The following FGGY variants were observed in gnomAD, a reference collection of about 807,000 sequenced individuals.
FGGY encodes FGGY carbohydrate kinase domain-containing protein.
FGGY carries 72 observed loss-of-function variants against 71.3 expected under a neutral mutation model. That is an observed-to-expected ratio of 1.01 (90% CI 0.84 to 1.23). The LOEUF (loss-of-function observed/expected upper bound fraction) is 1.23, where lower values mean the gene tolerates loss of function less well. Ranked by LOEUF, FGGY falls within the 50% of genes most tolerant of loss-of-function variation. FGGY has a pLI of 0.00. For synonymous variants in FGGY, 251 were observed against 250.3 expected (o/e 1.00, Z -0.02); for missense variants, 668 against 682.3 (o/e 0.98, Z 0.23).
chr1:59,314,277 T>G (rs897152230), intron 1 of FGGY, among the ~76,000 whole-genome samples: 5 of 152,182 alleles, frequency 3.3e-5, no homozygotes, highest in Non-Finnish European at 7.3e-5. Context: ...ATAAAAAAAT[T>G]TTTTTAAAAG....
intron 14 of FGGY, among the ~76,000 whole-genome samples, chr1:59,752,048 A>T (rs2098249819): frequency 6.6e-6 from 1 of 152,212 alleles, no homozygotes; most frequent in Non-Finnish European, 1.5e-5. Flanking sequence ...CACACATCTT[A>T]TGTGACTCAT....
At chr1:59,372,688 C>G (rs147327548) in intron 4 of FGGY, among the ~76,000 whole-genome samples, 4,484 of 152,072 alleles carry the variant, frequency 0.029, 246 homozygotes, top group African/African-American at 0.1. Context: ...GAATCCAGCA[C>G]CACATCAAAA....
intron 6 of FGGY, among the ~76,000 whole-genome samples, chr1:59,482,560 G>A (rs905182992): frequency 1.6e-4 from 20 of 128,818 alleles, no homozygotes; most frequent in Admixed American, 4.9e-4. Flanking sequence ...GTGTGTCTAT[G>A]TGTATATATA....
intron 14 of FGGY, among the ~76,000 whole-genome samples, chr1:59,757,150 C>A (rs2098298742): frequency 6.6e-6 from 1 of 152,176 alleles, no homozygotes; most frequent in Non-Finnish European, 1.5e-5. Flanking sequence ...TGCTTGCAAT[C>A]TTCCCTGGCC....
chr1:59,586,442 G>T (rs1408944927), intron 8 of FGGY, among the ~76,000 whole-genome samples: 1 of 152,098 alleles, frequency 6.6e-6, no homozygotes, highest in Non-Finnish European at 1.5e-5. Flanking sequence ...TCACTCATAG[G>T]TGGGAATTGA....
chr1:59,740,102 G>C (rs760360775), intron 14 of FGGY, among the ~76,000 whole-genome samples: 14 of 152,192 alleles, frequency 9.2e-5, no homozygotes, highest in Non-Finnish European at 1.9e-4. Context: ...TTCAGGCTAA[G>C]AGGTTGTAAT....
intron 8 of FGGY, among the ~76,000 whole-genome samples, chr1:59,556,398 C>G (rs2095686839): frequency 1.3e-5 from 2 of 152,182 alleles, no homozygotes; most frequent in South Asian, 4.1e-4. Flanking sequence ...TTTCCCTACC[C>G]ATTTAATGTA....
intron 11 of FGGY, among the ~76,000 whole-genome samples, chr1:59,653,504 T>C (rs531271037): frequency 6.6e-6 from 1 of 151,934 alleles, no homozygotes; most frequent in Non-Finnish European, 1.5e-5. Context: ...CGGGTGGGAG[T>C]GACCCGATTT....
chr1:59,425,276 T>A (rs2066148922), intron 5 of FGGY, among the ~76,000 whole-genome samples: 1 of 152,230 alleles, frequency 6.6e-6, no homozygotes, highest in South Asian at 2.1e-4. Flanking sequence ...TGCATGATTA[T>A]TATATTGGCA....
Position 59,412,234 on chromosome 1 carries a change from G to A in FGGY, c.554+33397G>A, listed in dbSNP as rs990936078. 3.3e-5 allele frequency among the ~76,000 whole-genome samples: 5 copies of A among 152,132 alleles called. No individual in the cohort carries two copies. The East Asian group carries it at 7.7e-4, about 24-fold the overall frequency. On this transcript the variant is annotated intron_variant, in intron 5 of 15. Coordinates refer to ENST00000303721, the MANE Select transcript of FGGY (RefSeq NM_018291.5). ...AGGGCACCCCACGAGGTTCCATGGG[G>A]TTTCCTTGTGGTTGCTACCTCTGGA...
intron 6 of FGGY, among the ~76,000 whole-genome samples, chr1:59,461,376 G>C (rs1032447295): frequency 3.9e-5 from 6 of 152,180 alleles, no homozygotes; most frequent in Non-Finnish European, 8.8e-5. Flanking sequence ...AGAGAAAAAA[G>C]AGTAACAAGA....
At chr1:59,571,491 A>G (rs946323765) in intron 8 of FGGY, among the ~76,000 whole-genome samples, 5 of 152,192 alleles carry the variant, frequency 3.3e-5, no homozygotes, top group Admixed American at 6.5e-5. Context: ...TGCTGGGGGA[A>G]GTATAAATTG....
chr1:59,371,541 T>C (rs1022837144), intron 4 of FGGY, among the ~76,000 whole-genome samples: 8 of 152,174 alleles, frequency 5.3e-5, no homozygotes, highest in Non-Finnish European at 1.2e-4. Flanking sequence ...TGAACTCAGC[T>C]CTGCAACAAG....
intron 7 of FGGY, among the ~76,000 whole-genome samples, chr1:59,537,991 A>T (rs1432096867): frequency 2.0e-5 from 3 of 152,168 alleles, no homozygotes; most frequent in African/African-American, 7.2e-5. Context: ...GCCAAAATTG[A>T]CAAATGGGAT....
intron 8 of FGGY, among the ~76,000 whole-genome samples, chr1:59,605,251 A>G (rs957395104): frequency 6.6e-6 from 1 of 152,102 alleles, no homozygotes; most frequent in African/African-American, 2.4e-5. Flanking sequence ...TATTTGTGTA[A>G]TGATCTGATT....
chr1:59,707,378 C>G (rs1171247993), intron 14 of FGGY, among the ~76,000 whole-genome samples: 1 of 152,176 alleles, frequency 6.6e-6, no homozygotes, highest in African/African-American at 2.4e-5. Flanking sequence ...CTGGGAATGA[C>G]TCAGAGGCCA....
At chr1:59,394,872 G>A (rs835425) in intron 5 of FGGY, among the ~76,000 whole-genome samples, 48,476 of 151,690 alleles carry the variant, frequency 0.32, 8,514 homozygotes, top group African/African-American at 0.47. Flanking sequence ...TCACTCACCA[G>A]CCTTTCAGCC....
At chr1:59,634,871 CT>C (rs2096941811) in intron 10 of FGGY, among the ~76,000 whole-genome samples, 1 of 152,148 alleles carries the variant, frequency 6.6e-6, no homozygotes, top group Admixed American at 6.5e-5. Flanking sequence ...GTTTGCCTAC[CT>C]GATCATCCAG....
intron 4 of FGGY, among the ~76,000 whole-genome samples, chr1:59,359,277 A>G (rs1014776714): frequency 6.6e-6 from 1 of 152,206 alleles, no homozygotes; most frequent in Non-Finnish European, 1.5e-5. Context: ...CAGATAACAC[A>G]TTTGTTTGGC....
Sources: gnomAD v4.1 joint callset for allele counts (sites outside exome capture counted in the v4.1 genomes callset) on GRCh38, gnomAD v4.1.1 for gene constraint, MANE v1.5 for transcripts, NCBI Gene and HGNC (gene_info 2026-07-23, HGNC 2026-07-21) for gene names.